The following UNC5C variants were observed in gnomAD, a reference collection of about 807,000 sequenced individuals.
UNC5C encodes unc-5 netrin receptor C.
Under a neutral mutation model 99.8 loss-of-function variants are expected in UNC5C, and 47 were observed. The ratio of observed to expected loss-of-function variants is 0.47; its 90% CI spans 0.37 to 0.60. The LOEUF (loss-of-function observed/expected upper bound fraction) is 0.60, where lower values mean the gene tolerates loss of function less well. Among genes scored for constraint, UNC5C ranks in the 20% least tolerant of loss-of-function variants. The pLI, the probability that UNC5C is intolerant of heterozygous loss-of-function variation, is 0.00. For synonymous variants in UNC5C, 487 were observed against 452.2 expected (o/e 1.08, Z -0.98); for missense variants, 1,062 against 1,165.9 (o/e 0.91, Z 1.30).
chr4:95,205,061 C>A (rs575464899), intron 11 of UNC5C, among the ~76,000 whole-genome samples: 1 of 152,128 alleles, frequency 6.6e-6, no homozygotes, highest in African/African-American at 2.4e-5. Flanking sequence ...CCTCCGGTAT[C>A]CCCTAGTGGT....
intron 1 of UNC5C, among the ~76,000 whole-genome samples, chr4:95,411,183 A>G (rs1229703197): frequency 6.6e-6 from 1 of 152,176 alleles, no homozygotes; most frequent in East Asian, 1.9e-4. Flanking sequence ...ATGTCTTCCA[A>G]TGTCTTGGCA....
chr4:95,440,108 C>T (rs1221685196), intron 1 of UNC5C, among the ~76,000 whole-genome samples: 5 of 152,120 alleles, frequency 3.3e-5, no homozygotes, highest in Non-Finnish European at 7.3e-5. Context: ...GGCAATGCAG[C>T]GACCCTCAGA....
intron 1 of UNC5C, among the ~76,000 whole-genome samples, chr4:95,482,802 T>G: frequency 8.3e-6 from 1 of 119,894 alleles, no homozygotes; most frequent in Non-Finnish European, 1.7e-5. Context: ...AGATGGGAAT[T>G]GAACAATGAG....
In UNC5C at chr4:95,322,973, T is replaced by C. The variant is rs1208731330; in HGVS notation, c.346+12437A>G. Among the ~76,000 whole-genome samples, 3 of 149,534 alleles carry C rather than the reference T, an allele frequency of 2.0e-5. No homozygotes were observed. In the South Asian group the frequency reaches 6.3e-4, roughly 31 times the overall value. On this transcript the variant is annotated intron_variant, in intron 2 of 15. Transcript: ENST00000453304. ...AAAAAAGAAAAGAAAAAGCCGAAGGTCAAATATTGATAATTTCATATGAAT... is the reference window on the plus strand; with the variant it reads ...AAAAAAGAAAAGAAAAAGCCGAAGGCCAAATATTGATAATTTCATATGAAT...
At chr4:95,514,486 C>T (rs1213599928) in intron 1 of UNC5C, among the ~76,000 whole-genome samples, 2 of 151,844 alleles carry the variant, frequency 1.3e-5, no homozygotes, top group Non-Finnish European at 2.9e-5. Context: ...CAATCTCCAC[C>T]AGTTATTATA....
chr4:95,357,878 ATG>A (rs60645315), intron 1 of UNC5C, among the ~76,000 whole-genome samples: 32,968 of 151,542 alleles, frequency 0.22, 4,171 homozygotes, highest in African/African-American at 0.34. Flanking sequence ...TAAAGAATGA[ATG>A]TGTGTGTGTG....
chr4:95,310,769 A>T (rs1442054314), intron 2 of UNC5C, among the ~76,000 whole-genome samples: 1 of 152,036 alleles, frequency 6.6e-6, no homozygotes, highest in Non-Finnish European at 1.5e-5. Flanking sequence ...TTTGTCTAGA[A>T]CTGAGAAGAA....
rs10155222 is a variant in UNC5C, at chr4:95,164,035, A to T, written c.*5199T>A. 0.43 allele frequency: 66,007 copies of T among 152,158 alleles called. 16,758 individuals carry two copies. Among genetic ancestry groups the T allele is most frequent in the Admixed American group, 0.58 (8,889 of 15,280 alleles). The allele number at this position is 152,158 out of a possible 1,614,324, so 9.4% of individuals were successfully genotyped here. On this transcript the variant is annotated 3_prime_UTR_variant, in exon 16 of 16. Coordinates refer to ENST00000453304, the MANE Select transcript of UNC5C (RefSeq NM_003728.4). ...CGTTAATATCCTACCACAGATGAAT[A>T]CAATGAGGTGACAGGAAAACCTAGG...
intron 1 of UNC5C, among the ~76,000 whole-genome samples, chr4:95,380,515 A>G (rs1745040087): frequency 6.6e-6 from 1 of 151,178 alleles, no homozygotes; most frequent in African/African-American, 2.4e-5. Flanking sequence ...CCTGGCCTCA[A>G]GCCATCCTGC....
Position 95,326,111 on chromosome 4 carries a change from A to T in UNC5C, c.346+9299T>A, listed in dbSNP as rs1364672513. On this transcript the variant is annotated intron_variant, in intron 2 of 15. Transcript: ENST00000453304. ...GTTTCTTCATCCTGCAGAGCCTCAG[A>T]TTCCTAATTTACCAAAGGAGAATCT... is the stretch of plus-strand genomic sequence containing the variant. Among the ~76,000 whole-genome samples, 4 of 152,112 alleles carry T rather than the reference A, an allele frequency of 2.6e-5. No individual in the cohort carries two copies. The South Asian group carries it at 8.3e-4, about 32-fold the overall frequency.
intron 1 of UNC5C, among the ~76,000 whole-genome samples, chr4:95,421,073 T>A (rs569281637): frequency 6.6e-6 from 1 of 152,252 alleles, no homozygotes; most frequent in East Asian, 1.9e-4. Flanking sequence ...GGACCAAGAC[T>A]TCTCCCCTTC....
chr4:95,392,443 T>TA (rs1560816477), intron 1 of UNC5C, among the ~76,000 whole-genome samples: 47 of 90,540 alleles, frequency 5.2e-4, no homozygotes, highest in African/African-American at 2.5e-3. Flanking sequence ...TTTTTTTTTT[T>TA]TAAAAAAAAA....
At chr4:95,547,601 A>G (rs1438777451) in intron 1 of UNC5C, among the ~76,000 whole-genome samples, 3 of 152,216 alleles carry the variant, frequency 2.0e-5, no homozygotes, top group Non-Finnish European at 4.4e-5. Context: ...TCTTCCAGGA[A>G]AAGCTGAGCT....
At chr4:95,262,515 C>T (rs564792191) in intron 4 of UNC5C, among the ~76,000 whole-genome samples, 47 of 152,196 alleles carry the variant, frequency 3.1e-4, no homozygotes, top group African/African-American at 7.9e-4. Flanking sequence ...CCTAGACAGG[C>T]GAGCAGGGAT....
Position 95,168,947 on chromosome 4 carries a change from G to T in UNC5C, c.*287C>A, listed in dbSNP as rs376328163. On this transcript the variant is annotated 3_prime_UTR_variant, in exon 16 of 16. Coordinates refer to ENST00000453304, the MANE Select transcript of UNC5C (RefSeq NM_003728.4). Reference sequence around the variant, plus strand: ...AATAAAAAGCGTTTCCTAGGAAACTGTAAGATCCTGTACCACACAGCATAC... The same window carrying T: ...AATAAAAAGCGTTTCCTAGGAAACTTTAAGATCCTGTACCACACAGCATAC... The T allele has an allele frequency of 7.6e-4, 237 of 311,062 alleles. 1 individual carries two copies. Among genetic ancestry groups the T allele is most frequent in the African/African-American group, 4.4e-3 (210 of 47,962 alleles). The allele number at this position is 311,062 out of a possible 1,614,324, so 19.3% of individuals were successfully genotyped here.
chr4:95,411,584 A>C (rs1465277936), intron 1 of UNC5C, among the ~76,000 whole-genome samples: 1 of 152,238 alleles, frequency 6.6e-6, no homozygotes, highest in Non-Finnish European at 1.5e-5. Flanking sequence ...GTAAATCTGC[A>C]CACTACAGGA....
chr4:95,548,875 C>CG lies in UNC5C; in HGVS notation c.-19dup, dbSNP rs748571445. 2.8e-5 allele frequency: 45 copies of CG among 1,598,962 alleles called. No homozygotes were observed. Among genetic ancestry groups the CG allele is most frequent in the Non-Finnish European group, 3.8e-5 (44 of 1,172,028 alleles). On this transcript the variant is annotated 5_prime_UTR_variant, in exon 1 of 16. Transcript: ENST00000453304. ...TTCCTCATCGTAGACAGAGGTGTGC[C>CG]GGGGGGAGGGGAGGGGGACAGAGAG...
intron 1 of UNC5C, among the ~76,000 whole-genome samples, chr4:95,365,358 T>G (rs1002746085): frequency 3.4e-5 from 5 of 147,614 alleles, no homozygotes; most frequent in Admixed American, 2.7e-4. Context: ...AATAAAAAAT[T>G]ATATAACATT....
chr4:95,523,048 G>A (rs1437775575), intron 1 of UNC5C, among the ~76,000 whole-genome samples: 1 of 152,200 alleles, frequency 6.6e-6, no homozygotes, highest in African/African-American at 2.4e-5. Context: ...GAGGGAGTCT[G>A]TGAATGTGAC....
Sources: gnomAD v4.1 joint callset for allele counts (sites outside exome capture counted in the v4.1 genomes callset) on GRCh38, gnomAD v4.1.1 for gene constraint, MANE v1.5 for transcripts, NCBI Gene and HGNC (gene_info 2026-07-23, HGNC 2026-07-21) for gene names.